GBF1: variants seen among roughly 807,000 people sequenced by gnomAD.
GBF1 encodes golgi brefeldin A resistant guanine nucleotide exchange factor 1, also known as Golgi-specific brefeldin A-resistance guanine nucleotide exchange factor 1.
A neutral mutation model predicts 210.5 loss-of-function variants in GBF1; 114 were observed. The observed-to-expected ratio is 0.54, with a 90% CI of 0.47 to 0.63. The LOEUF is 0.63. Among genes scored for constraint, GBF1 ranks in the 30% least tolerant of loss-of-function variants. The pLI is 0.00. For synonymous variants in GBF1, 850 were observed against 889.2 expected (o/e 0.96, Z 0.78); for missense variants, 1,851 against 2,357.7 (o/e 0.79, Z 4.45).
chr10:102,352,371 G>T, intron 6 of GBF1, 87 bp from the exon 7 acceptor site: 1 of 916,636 alleles, frequency 1.1e-6, no homozygotes, highest in South Asian at 1.3e-5. Context: ...TGGTAAACAA[G>T]GTTTGGAGGG....
chr10:102,357,958 C>G (rs1482634366), intron 8 of GBF1, 81 bp from the exon 9 acceptor site: 11 of 938,154 alleles, frequency 1.2e-5, no homozygotes, highest in Admixed American at 1.8e-5. Flanking sequence ...TTCTAGAGAT[C>G]AGTAGGACTA....
chr10:102,235,481 T>TA, the GBF1 span, among the ~76,000 whole-genome samples: 907 of 152,274 alleles, frequency 6.0e-3, 7 homozygotes, highest in Middle Eastern at 0.014. Context: ...CTCGGCAAGT[T>TA]ACTTTACCTC....
intron 3 of GBF1, among the ~76,000 whole-genome samples, chr10:102,278,053 T>G (rs917887153): frequency 1.1e-4 from 17 of 152,066 alleles, no homozygotes; most frequent in African/African-American, 4.1e-4. Flanking sequence ...GGCCAGGAGT[T>G]TGAGACCAGC....
chr10:102,361,576 A>C (rs2059606147), intron 13 of GBF1, 142 bp from the exon 14 acceptor site: 2 of 579,524 alleles, frequency 3.5e-6, no homozygotes, highest in South Asian at 2.2e-5. Context: ...TATTTAGGGG[A>C]TGGAATACCT....
intron 3 of GBF1, among the ~76,000 whole-genome samples, chr10:102,293,700 T>C (rs2076626532): frequency 1.3e-5 from 2 of 149,988 alleles, no homozygotes; most frequent in Admixed American, 1.3e-4. Context: ...AAATAAAAAA[T>C]TTAAAAATAG....
At chr10:102,333,196 A>G (rs149374039) in intron 3 of GBF1, among the ~76,000 whole-genome samples, 2,343 of 152,254 alleles carry the variant, frequency 0.015, 36 homozygotes, top group Admixed American at 0.028. Context: ...GGCCTAGTGC[A>G]TTTCTTTATT....
rs550333617 is a variant in GBF1 at position 102,259,452 on chromosome 10, A to G, written c.96+418A>G. 7.9e-4 allele frequency among the ~76,000 whole-genome samples: 121 copies of G among 152,304 alleles called. No individual in the cohort carries two copies. In the South Asian group the frequency reaches 0.023, roughly 29 times the overall value. On this transcript the variant is annotated intron_variant, in intron 2 of 39. Transcript: ENST00000369983. The stretch of plus-strand genomic sequence containing the variant: ...GGGGGTTCAGCAAACTTCCATATAT[A>G]GAGTAGGCCATATCTTACCAATCAG...
intron 1 of GBF1, among the ~76,000 whole-genome samples, chr10:102,253,365 A>G (rs565207263): frequency 6.6e-6 from 1 of 152,240 alleles, no homozygotes; most frequent in Non-Finnish European, 1.5e-5. Context: ...TTTTTGTGTG[A>G]GCTTCTCTGG....
intron 4 of GBF1, among the ~76,000 whole-genome samples, chr10:102,350,759 C>G (rs1382686408): frequency 6.6e-6 from 1 of 151,982 alleles, no homozygotes; most frequent in Admixed American, 6.6e-5. Flanking sequence ...ACAGTTTTAC[C>G]CAGTGGATTT....
At position 102,259,999 on chromosome 10, in the gene GBF1, T is replaced by C. The variant is rs116242655; in HGVS notation, c.97-51T>C. The C allele has an allele frequency of 1.3e-3, 1,220 of 974,372 alleles. 6 individuals carry two copies. In the African/African-American group the frequency reaches 0.018, roughly 14 times the overall value. The allele number at this position is 974,372 out of a possible 1,614,324, so 60.4% of individuals were successfully genotyped here. ...GCCCTTGATCTGTCCTTTATTTTCC[T>C]TTTCCTCTTTTGGCCCAATAATGAC... On this transcript the variant is annotated intron_variant, in intron 2 of 39. Transcript: ENST00000369983.
chr10:102,314,141 C>T (rs1287418866), intron 3 of GBF1, among the ~76,000 whole-genome samples: 12 of 119,908 alleles, frequency 1.0e-4, no homozygotes, highest in East Asian at 2.5e-4. Flanking sequence ...TTAAACATAT[C>T]TTTTTTTTTT....
intron 4 of GBF1, among the ~76,000 whole-genome samples, chr10:102,344,637 C>G (rs957259415): frequency 6.6e-6 from 1 of 151,954 alleles, no homozygotes; most frequent in Non-Finnish European, 1.5e-5. Flanking sequence ...CCCACCACCA[C>G]GCCCAGCTAA....
chr10:102,337,051 T>A (rs945901952), intron 3 of GBF1, among the ~76,000 whole-genome samples: 3 of 152,174 alleles, frequency 2.0e-5, no homozygotes, highest in African/African-American at 4.8e-5. Context: ...GTTTTTAAAA[T>A]TTTTCTAGTA....
intron 14 of GBF1, 94 bp downstream of exon 14, chr10:102,362,006 A>C: frequency 1.8e-6 from 1 of 555,508 alleles, no homozygotes; most frequent in Non-Finnish European, 3.0e-6. Flanking sequence ...AGAGGGGAAC[A>C]CTTGAGAGCT....
intron 3 of GBF1, among the ~76,000 whole-genome samples, chr10:102,284,290 A>G (rs1034256947): frequency 6.6e-6 from 1 of 152,222 alleles, no homozygotes; most frequent in Non-Finnish European, 1.5e-5. Context: ...CATATAACAT[A>G]AAATTAACCA....
intron 22 of GBF1, 41 bp downstream of exon 22, chr10:102,368,495 C>G: frequency 9.1e-7 from 1 of 1,099,522 alleles, no homozygotes; most frequent in Non-Finnish European, 1.4e-6. Context: ...CCCACTAGCT[C>G]TGTGAGCTAA....
chr10:102,238,501 A>G, the GBF1 span, among the ~76,000 whole-genome samples: 102,455 of 152,096 alleles, frequency 0.67, 35,176 homozygotes, highest in African/African-American at 0.81. Flanking sequence ...TCTGAAGTCC[A>G]CGATAGGGTG....
intron 3 of GBF1, among the ~76,000 whole-genome samples, chr10:102,314,938 C>G (rs1434415281): frequency 6.6e-6 from 1 of 152,140 alleles, no homozygotes; most frequent in African/African-American, 2.4e-5. Flanking sequence ...CAAATACAGC[C>G]ACCTCAAAGT....
intron 3 of GBF1, among the ~76,000 whole-genome samples, chr10:102,334,493 G>A (rs1407076932): frequency 6.6e-6 from 1 of 152,218 alleles, no homozygotes; most frequent in East Asian, 1.9e-4. Context: ...GAGGCCACAT[G>A]TTGAGGCCTT....
Sources: gnomAD v4.1 joint callset for allele counts (sites outside exome capture counted in the v4.1 genomes callset) on GRCh38, gnomAD v4.1.1 for gene constraint, MANE v1.5 for transcripts, NCBI Gene and HGNC (gene_info 2026-07-23, HGNC 2026-07-21) for gene names.